The following TPRG1 variants were observed in gnomAD, a reference collection of about 807,000 sequenced individuals.
TPRG1 encodes the protein tumor protein p63 regulated 1, also known as tumor protein p63-regulated gene 1 protein.
A neutral mutation model predicts 29.3 loss-of-function variants in TPRG1; 29 were observed. The observed-to-expected ratio is 0.99, with a 90% confidence interval of 0.74 to 1.35. The LOEUF is 1.35. Among genes scored for constraint, TPRG1 ranks in the 40% most tolerant of loss-of-function variants. TPRG1 has a pLI of 0.00. For synonymous variants in TPRG1, 130 were observed against 116.8 expected (o/e 1.11, Z -0.73); for missense variants, 327 against 335.0 (o/e 0.98, Z 0.19).
chr3:189,049,075 C>T (rs1220310462), intron 4 of TPRG1, among the ~76,000 whole-genome samples: 1 of 152,158 alleles, frequency 6.6e-6, no homozygotes, highest in African/African-American at 2.4e-5. Flanking sequence ...AGTAAAACTC[C>T]ACAGGGAGAA....
intron 1 of TPRG1, 166 bp from the exon 2 acceptor site, chr3:189,207,210 G>A: frequency 1.0e-6 from 1 of 980,320 alleles, no homozygotes; most frequent in African/African-American, 1.7e-5. Flanking sequence ...GTATTTAGAA[G>A]TCTGTGTTAT....
chr3:189,091,800 T>C (rs1029199172), intron 4 of TPRG1, among the ~76,000 whole-genome samples: 1 of 152,204 alleles, frequency 6.6e-6, no homozygotes, highest in Non-Finnish European at 1.5e-5. Context: ...TACTCATCAC[T>C]GTGTCTTGTA....
At chr3:189,271,935 C>G (rs1003343625) in intron 4 of TPRG1, among the ~76,000 whole-genome samples, 1 of 152,218 alleles carries the variant, frequency 6.6e-6, no homozygotes, top group Non-Finnish European at 1.5e-5. Context: ...TGCTTGGTAT[C>G]TGGTCAGTCT....
chr3:189,032,903 C>T (rs1714017895), intron 4 of TPRG1, among the ~76,000 whole-genome samples: 1 of 151,852 alleles, frequency 6.6e-6, no homozygotes, highest in African/African-American at 2.4e-5. Context: ...CAATTTCATC[C>T]ATGTCCCTAC....
At chr3:189,074,980 T>A (rs1209671670) in intron 4 of TPRG1, among the ~76,000 whole-genome samples, 1 of 151,482 alleles carries the variant, frequency 6.6e-6, no homozygotes, top group Non-Finnish European at 1.5e-5. Context: ...CCCGGCTAAT[T>A]TTTTGTATTT....
chr3:189,056,567 A>G (rs1394758129), intron 4 of TPRG1, among the ~76,000 whole-genome samples: 3 of 152,048 alleles, frequency 2.0e-5, no homozygotes, highest in Non-Finnish European at 4.4e-5. Flanking sequence ...TGATTACACC[A>G]TTTTCCTCTT....
chr3:188,997,695 G>A (rs1006787978), intron 1 of TPRG1, among the ~76,000 whole-genome samples: 2 of 152,128 alleles, frequency 1.3e-5, no homozygotes, highest in East Asian at 3.9e-4. Flanking sequence ...AACCTCTCAG[G>A]TTCCTGAAAC....
Position 189,181,373 on chromosome 3 carries a change from T to G in TPRG1, c.-10+9242T>G, listed in dbSNP as rs148485467. ...GCAAATTTCCCAAACTTTTATGTTC[T>G]GCTTCCCTTATAAAACTGAATGCAT... On this transcript the variant is annotated intron_variant, in intron 1 of 5. Coordinates refer to ENST00000345063, the MANE Select transcript of TPRG1 (RefSeq NM_198485.4). 7.1e-3 allele frequency among the ~76,000 whole-genome samples: 1,081 copies of G among 152,356 alleles called. 14 individuals are homozygous for G. Among genetic ancestry groups the G allele is most frequent in the African/African-American group, 0.025 (1,021 of 41,590 alleles).
chr3:189,213,189 A>G lies in TPRG1; in HGVS notation c.211-2103A>G, dbSNP rs556464481. ...TATTAATCAGTATTTACCATTTTAT[A>G]TGTAATAATATATATAGTGTTTTGT... On this transcript the variant is annotated intron_variant, in intron 2 of 5. Transcript: ENST00000345063. 1.6e-4 allele frequency among the ~76,000 whole-genome samples: 15 copies of G among 91,616 alleles called. No homozygotes were observed. The East Asian group carries it at 4.6e-3, about 28-fold the overall frequency. 60.1% of individuals were successfully genotyped at this position (91,616 alleles called of 152,430 possible). A position where few individuals can be genotyped will look rare whatever the true frequency, so the allele number is the denominator to read the frequency against.
intron 5 of TPRG1, among the ~76,000 whole-genome samples, chr3:189,311,927 G>A (rs1306531085): frequency 6.6e-6 from 1 of 151,892 alleles, no homozygotes; most frequent in African/African-American, 2.4e-5. Flanking sequence ...GGACAGAGTG[G>A]GAGTTTGCAT....
Position 189,059,616 on chromosome 3 carries a change from TGAAAAAAACAAA to T in TPRG1, c.-463+35672_-463+35683del, listed in dbSNP as rs771459335. On this transcript the variant is annotated intron_variant, in intron 4 of 10. Coordinates refer to the TPRG1 transcript ENST00000433971. ...TAAAAAAACAAAAACAAAAACAAAA[TGAAAAAAACAAA>T]GGAAAAAAAAAAGGTCTGTGAGATA... Among the ~76,000 whole-genome samples the T allele has an allele frequency of 7.7e-5, 11 of 143,120 alleles. No homozygotes were observed. The South Asian group carries it at 1.5e-3, about 20-fold the overall frequency. 93.9% of individuals were successfully genotyped at this position (143,120 alleles called of 152,430 possible). A position where few individuals can be genotyped will look rare whatever the true frequency, so the allele number is the denominator to read the frequency against.
At position 189,222,718 on chromosome 3, in the gene TPRG1, C is replaced by T. The variant is rs928669684; in HGVS notation, c.302+7335C>T. Among the ~76,000 whole-genome samples the T allele has an allele frequency of 1.6e-4, 25 of 152,338 alleles. 1 individual carries two copies. The highest frequency in any genetic ancestry group is 4.1e-4 in the South Asian group (2 of 4,828). On this transcript the variant is annotated intron_variant, in intron 3 of 5. Coordinates refer to ENST00000345063, the MANE Select transcript of TPRG1 (RefSeq NM_198485.4). ...GGTGGGTTCTCACTGCTTCCATATA[C>T]GTCTGTTACATCCACAAGCCTTTGT...
At chr3:189,214,469 C>T (rs1318685657) in intron 2 of TPRG1, among the ~76,000 whole-genome samples, 1 of 151,138 alleles carries the variant, frequency 6.6e-6, no homozygotes, top group Non-Finnish European at 1.5e-5. Flanking sequence ...AGGCAACTCC[C>T]CTCCAGAGTC....
At chr3:189,117,265 C>A (rs956278643) in intron 1 of TPRG1, among the ~76,000 whole-genome samples, 6 of 152,168 alleles carry the variant, frequency 3.9e-5, no homozygotes, top group Non-Finnish European at 7.3e-5. Context: ...GTGTTCATAA[C>A]AAATCATGAG....
chr3:189,142,647 G>A (rs182857082), intron 3 of TPRG1, among the ~76,000 whole-genome samples: 1 of 152,310 alleles, frequency 6.6e-6, no homozygotes, highest in East Asian at 1.9e-4. Context: ...ACTCAACCCT[G>A]CATGGTGCTT....
chr3:189,312,111 T>C (rs377416919), intron 5 of TPRG1, among the ~76,000 whole-genome samples: 1,710 of 70,384 alleles, frequency 0.024, 135 homozygotes, highest in Middle Eastern at 0.03. Context: ...CTTTGTTTCT[T>C]TCTTTGTTTC....
At chr3:189,251,192 C>T (rs1178500343) in intron 4 of TPRG1, among the ~76,000 whole-genome samples, 2 of 151,970 alleles carry the variant, frequency 1.3e-5, no homozygotes, top group East Asian at 1.9e-4. Context: ...CTTAAGAGGC[C>T]GAGAAGAGCA....
chr3:189,216,407 G>A (rs891790645), intron 3 of TPRG1, among the ~76,000 whole-genome samples: 6 of 152,122 alleles, frequency 3.9e-5, no homozygotes, highest in Non-Finnish European at 8.8e-5. Flanking sequence ...GGAAAGTAGA[G>A]CCATTATCAC....
intron 4 of TPRG1, among the ~76,000 whole-genome samples, chr3:189,034,967 C>A (rs1201856817): frequency 6.6e-6 from 1 of 152,068 alleles, no homozygotes; most frequent in African/African-American, 2.4e-5. Flanking sequence ...CAAAAAAGAG[C>A]CTGAATAGAC....
Sources: allele counts gnomAD v4.1 joint callset (sites outside exome capture counted in the v4.1 genomes callset), GRCh38; gene constraint gnomAD v4.1.1; transcripts MANE v1.5; gene names NCBI Gene and HGNC (gene_info 2026-07-23, HGNC 2026-07-21).